Variants in STK10 observed in about 807,000 individuals in gnomAD.
The protein encoded by STK10 is serine/threonine-protein kinase 10.
STK10 carries 78 observed loss-of-function variants against 113.8 expected under a neutral mutation model. The ratio of observed to expected loss-of-function variants is 0.69; its 90% confidence interval spans 0.57 to 0.83. The LOEUF (loss-of-function observed/expected upper bound fraction) is 0.83. STK10 is among the 40% of genes least tolerant of loss of function. STK10 has a pLI of 0.00. For missense variants in STK10, 1,109 were observed against 1,280.1 expected (o/e 0.87, Z 2.04); for synonymous variants, 465 against 494.7 (o/e 0.94, Z 0.80).
At chr5:172,056,346 C>T (rs1767756318) in intron 15 of STK10, among the ~76,000 whole-genome samples, 1 of 152,122 alleles carries the variant, frequency 6.6e-6, no homozygotes, top group Non-Finnish European at 1.5e-5. Flanking sequence ...TGTCACTGTC[C>T]CACTATGGAG....
rs1268450355 is a variant in STK10, at chr5:172,043,331, G to A, written c.*1551C>T. ...GCTAGTCTCGAACTCCTCACCTCAG[G>A]TGAGTCACCATGCCCGGCCTAAAAA... is the stretch of plus-strand genomic sequence containing the variant. On this transcript the variant is annotated 3_prime_UTR_variant, in exon 19 of 19. Transcript: ENST00000176763. 1 of 152,084 alleles carries A rather than the reference G, an allele frequency of 6.6e-6. No individual in the cohort carries two copies. Among genetic ancestry groups the A allele is most frequent in the Non-Finnish European group, 1.5e-5 (1 of 68,028 alleles). 9.4% of individuals were successfully genotyped at this position (152,084 alleles called of 1,614,324 possible).
At chr5:172,176,751 T>C (rs577570655) in intron 1 of STK10, among the ~76,000 whole-genome samples, 1 of 152,238 alleles carries the variant, frequency 6.6e-6, no homozygotes, top group Non-Finnish European at 1.5e-5. Flanking sequence ...ACTTGGTCCC[T>C]GCTATGGTCC....
At chr5:172,165,525 C>T (rs754768353) in intron 1 of STK10, among the ~76,000 whole-genome samples, 1 of 152,150 alleles carries the variant, frequency 6.6e-6, no homozygotes, top group South Asian at 2.1e-4. Context: ...GGGGACTTGG[C>T]CAGCATCCAT....
Position 172,087,802 on chromosome 5 carries a change from G to A in STK10, c.1685+2430C>T, listed in dbSNP as rs1365225057. Among the ~76,000 whole-genome samples, 8 of 123,850 alleles carry A rather than the reference G, an allele frequency of 6.5e-5. No individual in the cohort carries two copies. In the East Asian group the frequency reaches 1.7e-3, roughly 26 times the overall value. The allele number at this position is 123,850 out of a possible 152,430, so 81.3% of individuals were successfully genotyped here. Reference sequence around the variant, plus strand: ...CGCCACCGCGCCCGGCTAATTTTTTGTATTTTTAGTAGAGACGGGGTTTCA... The same window carrying A: ...CGCCACCGCGCCCGGCTAATTTTTTATATTTTTAGTAGAGACGGGGTTTCA... On this transcript the variant is annotated intron_variant, in intron 10 of 18. Transcript: ENST00000176763.
intron 3 of STK10, among the ~76,000 whole-genome samples, chr5:172,123,658 T>TGA (rs1769561766): frequency 6.6e-6 from 1 of 152,158 alleles, no homozygotes; most frequent in South Asian, 2.1e-4. Context: ...CCATTCCAGC[T>TGA]GTGTGTGATA....
chr5:172,116,550 A>C (rs1342188512), intron 4 of STK10, among the ~76,000 whole-genome samples: 1 of 152,166 alleles, frequency 6.6e-6, no homozygotes, highest in Non-Finnish European at 1.5e-5. Flanking sequence ...AAACATTAAA[A>C]ATACAAAGAG....
At chr5:172,057,191 G>C (rs1767824907) in intron 15 of STK10, 158 bp downstream of exon 15, 1 of 1,035,298 alleles carries the variant, frequency 9.7e-7, no homozygotes, top group Non-Finnish European at 1.4e-6. Flanking sequence ...CGCCCCTGGA[G>C]AACCTCCTGG....
chr5:172,188,052 C>CGCGGT lies in STK10; in HGVS notation c.-15_-11dup. The CGCGGT allele has an allele frequency of 6.2e-7, 1 of 1,609,950 alleles. No individual in the cohort carries two copies. The highest frequency in any genetic ancestry group is 8.5e-7 in the Non-Finnish European group (1 of 1,178,252). On this transcript the variant is annotated 5_prime_UTR_variant, in exon 1 of 19. Coordinates refer to ENST00000176763, the MANE Select transcript of STK10 (RefSeq NM_005990.4). This position sits in a 1 kb window ranked among gnomAD's most constrained non-coding sequence, Gnocchi z 5.6. ...AATTGGCAAAAGCCATGGCCGGGGGCGCGGTGGCGCCGGCTCGGGCTCGGG... is the reference window on the plus strand; with the variant it reads ...AATTGGCAAAAGCCATGGCCGGGGGCGCGGTGCGGTGGCGCCGGCTCGGGCTCGGG...
At chr5:172,078,381 C>G (rs1259942398) in intron 12 of STK10, among the ~76,000 whole-genome samples, 3 of 152,154 alleles carry the variant, frequency 2.0e-5, no homozygotes, top group African/African-American at 7.2e-5. Context: ...AGTCTGGGTG[C>G]AATGGCTCAC....
At position 172,082,045 on chromosome 5, in the gene STK10, C is replaced by T. The variant is rs908299385; in HGVS notation, c.1989+281G>A. On this transcript the variant is annotated intron_variant, in intron 12 of 18. Coordinates refer to ENST00000176763, the MANE Select transcript of STK10 (RefSeq NM_005990.4). This position sits in a 1 kb window ranked among gnomAD's most constrained non-coding sequence, Gnocchi z 4.3. ...CCCTTCCTTCTTCCCCGCTCTTTCT[C>T]GGCAGGGGTTGCTAAGCTGGGAGGA... Among the ~76,000 whole-genome samples, 2 of 152,150 alleles carry T rather than the reference C, an allele frequency of 1.3e-5. No individual in the cohort carries two copies. Among genetic ancestry groups the T allele is most frequent in the African/African-American group, 4.8e-5 (2 of 41,436 alleles).
intron 7 of STK10, among the ~76,000 whole-genome samples, chr5:172,102,493 T>C (rs1212344262): frequency 2.0e-5 from 3 of 152,090 alleles, no homozygotes; most frequent in Non-Finnish European, 4.4e-5. Flanking sequence ...TGCTGCACGC[T>C]GGGTGCGTGG....
intron 15 of STK10, chr5:172,056,946 A>AAGGAAGGAAGGAAGGAAGGAAG (rs1561789921): frequency 5.6e-5 from 5 of 89,186 alleles, no homozygotes; most frequent in African/African-American, 2.3e-4. Context: ...AAAGAAAGAA[A>AAGGAAGGAAGGAAGGAAGGAAG]GAAAGAAGGA....
chr5:172,077,892 C>G (rs903796704), intron 12 of STK10, among the ~76,000 whole-genome samples: 4 of 152,098 alleles, frequency 2.6e-5, no homozygotes, highest in African/African-American at 9.7e-5. Flanking sequence ...GTTGCATATG[C>G]GTATGGTCTC....
intron 12 of STK10, among the ~76,000 whole-genome samples, chr5:172,068,957 T>C (rs1168306681): frequency 6.6e-6 from 1 of 152,006 alleles, no homozygotes. Flanking sequence ...TTTACATGGT[T>C]GTAAAGGTAC....
intron 1 of STK10, among the ~76,000 whole-genome samples, chr5:172,175,276 T>C (rs1770738589): frequency 6.6e-6 from 1 of 151,876 alleles, no homozygotes; most frequent in Non-Finnish European, 1.5e-5. Context: ...TGCTATAGTC[T>C]GTTAGTATGA....
intron 2 of STK10, among the ~76,000 whole-genome samples, chr5:172,132,705 A>C (rs1447448622): frequency 6.6e-6 from 1 of 152,188 alleles, no homozygotes; most frequent in Non-Finnish European, 1.5e-5. Flanking sequence ...TGATCATTAT[A>C]AACTGAGTGT....
At chr5:172,078,449 T>A (rs1768358133) in intron 12 of STK10, among the ~76,000 whole-genome samples, 1 of 151,762 alleles carries the variant, frequency 6.6e-6, no homozygotes, top group Non-Finnish European at 1.5e-5. Flanking sequence ...AGGCCAGGAA[T>A]TCAAGACCAG....
At chr5:172,146,661 A>G (rs1207156113) in intron 2 of STK10, among the ~76,000 whole-genome samples, 2 of 152,246 alleles carry the variant, frequency 1.3e-5, no homozygotes, top group African/African-American at 4.8e-5. Flanking sequence ...GCGAGGGAAT[A>G]GGGCCCGTGG....
intron 1 of STK10, among the ~76,000 whole-genome samples, chr5:172,173,197 G>A (rs908201594): frequency 6.6e-6 from 1 of 152,170 alleles, no homozygotes; most frequent in African/African-American, 2.4e-5. Flanking sequence ...GCGGTTGTGG[G>A]GAGGGCAGTG....
Sources: allele counts gnomAD v4.1 joint callset (sites outside exome capture counted in the v4.1 genomes callset), GRCh38; gene constraint gnomAD v4.1.1; non-coding constraint Gnocchi (gnomAD v3.1); transcripts MANE v1.5; gene names NCBI Gene and HGNC (gene_info 2026-07-23, HGNC 2026-07-21).